The following PATJ variants were observed in gnomAD, a reference collection of about 807,000 sequenced individuals.
PATJ encodes the protein inaD-like protein.
In PATJ, 190 loss-of-function variants were observed where a neutral mutation model predicts 224.9. The observed-to-expected ratio is 0.84, with a 90% CI of 0.75 to 0.95. PATJ has a LOEUF of 0.95. Among genes scored for constraint, PATJ ranks in the 40% least tolerant of loss-of-function variants. PATJ has a pLI of 0.00. For synonymous variants in PATJ, 769 were observed against 820.3 expected, an observed-to-expected ratio of 0.94 and a Z score of 1.07; for missense variants, 2,121 against 2,270.3, an observed-to-expected ratio of 0.93 and a Z score of 1.34.
chr1:61,767,703 G>A (rs1436852645), intron 4 of PATJ, among the ~76,000 whole-genome samples: 1 of 130,764 alleles, frequency 7.6e-6, no homozygotes, highest in East Asian at 2.3e-4. Context: ...TTGAGATGAA[G>A]TCTTGCTCTG....
chr1:62,106,135 C>CGTGTGTGT (rs1558176269), intron 33 of PATJ, among the ~76,000 whole-genome samples: 2 of 50,782 alleles, frequency 3.9e-5, no homozygotes, highest in South Asian at 1.0e-3. Context: ...CACATATATA[C>CGTGTGTGT]ATGTGTATAT....
At chr1:61,908,341 C>T in intron 24 of PATJ, 31 bp from the exon 25 acceptor site, 3 of 1,409,376 alleles carry the variant, frequency 2.1e-6, no homozygotes, top group Non-Finnish European at 3.0e-6. Flanking sequence ...TAGTGCTGTT[C>T]TAATTGAAAT....
Position 62,161,331 on chromosome 1 carries a change from CTTTTTTTTTTTTT to C in PATJ, c.*290_*302del. Reference sequence around the variant, plus strand: ...GCATTTAATTTCAGTGTTCCGATTTCTTTTTTTTTTTTTTTTTTTTTTTTTGAGACGGAGTCTC... The same window carrying C: ...GCATTTAATTTCAGTGTTCCGATTTCTTTTTTTTTTTTGAGACGGAGTCTC... On this transcript the variant is annotated 3_prime_UTR_variant, in exon 44 of 44. Transcript: ENST00000642238. 1.1e-5 allele frequency: 1 copy of C among 87,180 alleles called. No homozygotes were observed. The highest frequency in any genetic ancestry group is 1.7e-4 in the Admixed American group (1 of 5,982). 5.4% of individuals were successfully genotyped at this position (87,180 alleles called of 1,614,324 possible).
At chr1:61,952,678 GA>G in intron 27 of PATJ, among the ~76,000 whole-genome samples, 1 of 152,170 alleles carries the variant, frequency 6.6e-6, no homozygotes, top group Non-Finnish European at 1.5e-5. Context: ...GACTGTCAAA[GA>G]TATACCAGTA....
intron 43 of PATJ, among the ~76,000 whole-genome samples, chr1:62,160,497 G>A (rs950232907): frequency 2.0e-5 from 3 of 152,142 alleles, no homozygotes; most frequent in Admixed American, 6.6e-5. Flanking sequence ...TAATGCAATG[G>A]GAACTCTGTA....
intron 40 of PATJ, 62 bp downstream of exon 40, chr1:62,128,156 G>A: frequency 1.9e-6 from 3 of 1,597,822 alleles, no homozygotes; most frequent in Non-Finnish European, 2.6e-6. Flanking sequence ...GGAAGTTGCA[G>A]CCCTGGGCAC....
chr1:61,951,939 A>C (rs1679745020), intron 27 of PATJ: 1 of 157,350 alleles, frequency 6.4e-6, no homozygotes, highest in Non-Finnish European at 1.4e-5. Flanking sequence ...TCAGCAGGAA[A>C]GCTGGGTCAT....
intron 33 of PATJ, among the ~76,000 whole-genome samples, chr1:62,100,785 C>T (rs1293926244): frequency 2.0e-5 from 3 of 152,150 alleles, no homozygotes; most frequent in Admixed American, 2.0e-4. Context: ...CAGCCTCTGT[C>T]CTGAAGGCTT....
At chr1:61,776,658 A>G (rs1646928830) in intron 7 of PATJ, among the ~76,000 whole-genome samples, 1 of 151,958 alleles carries the variant, frequency 6.6e-6, no homozygotes, top group Non-Finnish European at 1.5e-5. Context: ...GGGAAGTACC[A>G]CCTAGCATTC....
Position 61,856,258 on chromosome 1 carries a change from T to G in PATJ, c.2322+19T>G, listed in dbSNP as rs930184565. The stretch of plus-strand genomic sequence containing the variant: ...TTTGGTGGTAAGTGTTGTATTTTGT[T>G]AATATAGGAAGTGATAATAGTGCAA... On this transcript the variant is annotated intron_variant, in intron 18 of 43. Coordinates refer to ENST00000642238, the MANE Select transcript of PATJ (RefSeq NM_001350145.3). The G allele has an allele frequency of 1.3e-6, 2 of 1,589,964 alleles. No individual in the cohort carries two copies. Among genetic ancestry groups the G allele is most frequent in the African/African-American group, 2.7e-5 (2 of 74,490 alleles).
chr1:61,909,853 T>G (rs995273660), intron 25 of PATJ, among the ~76,000 whole-genome samples: 4 of 152,212 alleles, frequency 2.6e-5, no homozygotes, highest in African/African-American at 9.7e-5. Flanking sequence ...GATGGAATAT[T>G]TTGCATGCTT....
intron 28 of PATJ, among the ~76,000 whole-genome samples, chr1:62,006,350 AG>A (rs1646096003): frequency 6.6e-6 from 1 of 152,224 alleles, no homozygotes; most frequent in Non-Finnish European, 1.5e-5. Context: ...TCCTGAGCTC[AG>A]GCAATCCACC....
intron 27 of PATJ, among the ~76,000 whole-genome samples, chr1:61,952,601 T>C (rs898115184): frequency 6.6e-6 from 1 of 152,184 alleles, no homozygotes; most frequent in Non-Finnish European, 1.5e-5. Flanking sequence ...CCCCTGCAAT[T>C]TTCTTTCATG....
chr1:61,915,544 G>C (rs955510754), intron 26 of PATJ, among the ~76,000 whole-genome samples: 4 of 151,878 alleles, frequency 2.6e-5, no homozygotes, highest in Non-Finnish European at 1.5e-5. Context: ...TTTCTTTTGG[G>C]ATTTTGGTTG....
At chr1:61,834,752 A>T (rs535992942) in intron 17 of PATJ, among the ~76,000 whole-genome samples, 2 of 151,952 alleles carry the variant, frequency 1.3e-5, no homozygotes, top group East Asian at 1.9e-4. Flanking sequence ...TATTTTATTT[A>T]TTTTTTTTGA....
chr1:61,831,657 C>T (rs1361252755), intron 16 of PATJ, among the ~76,000 whole-genome samples: 2 of 152,040 alleles, frequency 1.3e-5, no homozygotes, highest in Non-Finnish European at 2.9e-5. Context: ...TCACAATGGC[C>T]ATTATTAAAA....
At chr1:61,847,222 A>G (rs1662104433) in intron 17 of PATJ, among the ~76,000 whole-genome samples, 1 of 152,230 alleles carries the variant, frequency 6.6e-6, no homozygotes, top group Non-Finnish European at 1.5e-5. Flanking sequence ...ACCATTTAAA[A>G]TATTGGGGTG....
intron 28 of PATJ, among the ~76,000 whole-genome samples, chr1:61,994,475 G>A (rs970728051): frequency 3.9e-5 from 6 of 151,998 alleles, no homozygotes; most frequent in African/African-American, 1.4e-4. Context: ...TGTCCCATAG[G>A]GAAGTCATCT....
chr1:62,121,439 G>C, intron 38 of PATJ, 144 bp downstream of exon 38: 2 of 621,834 alleles, frequency 3.2e-6, no homozygotes, highest in Non-Finnish European at 2.8e-6. Flanking sequence ...TTTCTGAAAG[G>C]CATGTTCTGA....
Sources: allele counts gnomAD v4.1 joint callset (sites outside exome capture counted in the v4.1 genomes callset), GRCh38; gene constraint gnomAD v4.1.1; transcripts MANE v1.5; gene names NCBI Gene and HGNC (gene_info 2026-07-23, HGNC 2026-07-21).